Variants in NFIC observed in about 807,000 individuals in gnomAD.
NFIC encodes nuclear factor I C, also known as nuclear factor 1 C-type.
Under a neutral mutation model 54.4 loss-of-function variants are expected in NFIC, and 12 were observed. The ratio of observed to expected loss-of-function variants is 0.22; its 90% CI spans 0.14 to 0.36. NFIC has a LOEUF of 0.36. Among genes scored for constraint, NFIC ranks in the 10% least tolerant of loss-of-function variants. The probability of loss-of-function intolerance (pLI) is 1.00; values close to 1 mark genes in which losing one functional copy is unlikely to be tolerated. For missense variants in NFIC, 575 were observed against 718.2 expected (o/e 0.80, Z 2.28); for synonymous variants, 322 against 319.2 (o/e 1.01, Z -0.09).
At position 3,375,022 on chromosome 19, in the gene NFIC, T is replaced by G. The variant is rs1364829727; in HGVS notation, c.31-6690T>G. On this transcript the variant is annotated intron_variant, in intron 1 of 10. Transcript: ENST00000443272. The surrounding 1 kb of genome is among the most constrained non-coding windows in gnomAD (Gnocchi z 4.6). ...AAGGGCACAGAGAAGGGGAGGAACATAGAGAAGGGAGGGACAGTTAGGGAG... is the reference window on the plus strand; with the variant it reads ...AAGGGCACAGAGAAGGGGAGGAACAGAGAGAAGGGAGGGACAGTTAGGGAG... Among the ~76,000 whole-genome samples the G allele has an allele frequency of 6.7e-6, 1 of 149,604 alleles. No homozygotes were observed. The highest frequency in any genetic ancestry group is 1.5e-5 in the Non-Finnish European group (1 of 67,610).
upstream of NFIC, among the ~76,000 whole-genome samples, chr19:3,363,780 C>T (rs536109356): frequency 1.3e-5 from 2 of 152,200 alleles, no homozygotes; most frequent in Non-Finnish European, 2.9e-5. Context: ...GTGGTTGTCA[C>T]GACTGGGGGG....
rs2081081482 is a variant in NFIC at position 3,375,032 on chromosome 19, AG to A, written c.31-6677del. ...AGAAGGGGAGGAACATAGAGAAGGG[AG>A]GGACAGTTAGGGAGGAGGAAGGGAA... On this transcript the variant is annotated intron_variant, in intron 1 of 10. Transcript: ENST00000443272. The surrounding 1 kb of genome is among the most constrained non-coding windows in gnomAD (Gnocchi z 4.6). 6.7e-6 allele frequency among the ~76,000 whole-genome samples: 1 copy of A among 149,524 alleles called. No individual in the cohort carries two copies.
At chr19:3,423,002 G>A (rs1391394291) in intron 2 of NFIC, among the ~76,000 whole-genome samples, 1 of 127,580 alleles carries the variant, frequency 7.8e-6, no homozygotes. Context: ...TTCGAGACCA[G>A]CCTGACCAAC....
intron 6 of NFIC, among the ~76,000 whole-genome samples, chr19:3,440,740 C>T (rs1055124906): frequency 2.0e-5 from 3 of 151,948 alleles, no homozygotes; most frequent in Admixed American, 1.3e-4. Flanking sequence ...AGGCTGCTCT[C>T]GAACTCCTGA....
chr19:3,423,127 G>A (rs1045270598), intron 2 of NFIC, among the ~76,000 whole-genome samples: 28 of 152,270 alleles, frequency 1.8e-4, no homozygotes, highest in African/African-American at 6.3e-4. Flanking sequence ...GAACCCGAGA[G>A]GTGGAGGTTA....
At chr19:3,407,046 C>T (rs888021163) in intron 2 of NFIC, among the ~76,000 whole-genome samples, 11 of 151,506 alleles carry the variant, frequency 7.3e-5, no homozygotes, top group Admixed American at 6.6e-4. Flanking sequence ...CAGAGGCGGG[C>T]TGTGCAGGGC....
intron 3 of NFIC, 104 bp downstream of exon 3, chr19:3,425,281 C>T: frequency 1.5e-6 from 2 of 1,333,774 alleles, no homozygotes; most frequent in Non-Finnish European, 2.0e-6. Flanking sequence ...TACAGATGAG[C>T]AGACTGAGGC....
intron 2 of NFIC, among the ~76,000 whole-genome samples, chr19:3,387,504 A>AACCTCTTTTCAAAAAC (rs2081315697): frequency 6.6e-6 from 1 of 152,098 alleles, no homozygotes; most frequent in African/African-American, 2.4e-5. Context: ...TCAAAAAATA[A>AACCTCTTTTCAAAAAC]AAATTAAAAT....
intron 10 of NFIC, among the ~76,000 whole-genome samples, chr19:3,457,145 A>G (rs2082571979): frequency 6.6e-6 from 1 of 152,126 alleles, no homozygotes; most frequent in African/African-American, 2.4e-5. Flanking sequence ...CCCAGGCTTC[A>G]GCCCACATCT....
intron 4 of NFIC, 48 bp from the exon 5 acceptor site, chr19:3,434,229 G>A: frequency 6.3e-7 from 1 of 1,579,536 alleles, no homozygotes; most frequent in Non-Finnish European, 8.6e-7. Context: ...GCAAACCGCA[G>A]CACTGGGCAC....
chr19:3,367,560 C>G (rs978443895), intron 1 of NFIC, among the ~76,000 whole-genome samples: 1 of 152,170 alleles, frequency 6.6e-6, no homozygotes, highest in Non-Finnish European at 1.5e-5. Context: ...GTGCAATGGC[C>G]GAGGGGGTGT....
At chr19:3,400,104 A>G (rs549344004) in intron 2 of NFIC, among the ~76,000 whole-genome samples, 6 of 152,204 alleles carry the variant, frequency 3.9e-5, no homozygotes, top group Non-Finnish European at 8.8e-5. Flanking sequence ...TTTGCAGCCA[A>G]TAAATATTTA....
At chr19:3,362,059 C>A (rs118103780), upstream of NFIC, among the ~76,000 whole-genome samples, 3,943 of 152,298 alleles carry the variant, frequency 0.026, 84 homozygotes, top group Middle Eastern at 0.078. Flanking sequence ...ACCCTCCTGC[C>A]CTTCCCTGTC....
intron 1 of NFIC, among the ~76,000 whole-genome samples, chr19:3,377,476 CGAAA>C (rs2081129016): frequency 6.6e-6 from 1 of 151,964 alleles, no homozygotes; most frequent in South Asian, 2.1e-4. Context: ...CACCCCTGTC[CGAAA>C]TGCCCAGCCC....
At position 3,452,750 on chromosome 19, in the gene NFIC, C is replaced by G; in HGVS notation, c.1269+84C>G. On this transcript the variant is annotated intron_variant, in intron 8 of 10. Coordinates refer to ENST00000443272, the MANE Select transcript of NFIC (RefSeq NM_001245002.2). This position sits in a 1 kb window ranked among gnomAD's most constrained non-coding sequence, Gnocchi z 5.3. ...GCCACGTGCTCACACGAAGGCACAA[C>G]CTCTGCTTAAAAGGGTCTTGAGGAC... The G allele has an allele frequency of 6.8e-7, 1 of 1,473,302 alleles. No homozygotes were observed. Among genetic ancestry groups the G allele is most frequent in the South Asian group, 1.3e-5 (1 of 76,126 alleles). The allele number at this position is 1,473,302 out of a possible 1,614,324, so 91.3% of individuals were successfully genotyped here.
At chr19:3,395,721 C>A (rs978806433) in intron 2 of NFIC, among the ~76,000 whole-genome samples, 1 of 151,894 alleles carries the variant, frequency 6.6e-6, no homozygotes, top group Non-Finnish European at 1.5e-5. Context: ...TGCTTTGTCA[C>A]CCAGGCTGGA....
In NFIC at chr19:3,462,903, A is replaced by C. The variant is rs2082662260; in HGVS notation, c.*134A>C. ...ACCCCTGCCGACTCCCAGCCCGGCC[A>C]AAAAGACAAAACACATAGACGCACA... On this transcript the variant is annotated 3_prime_UTR_variant, in exon 11 of 11. Transcript: ENST00000443272. 6.4e-7 allele frequency: 1 copy of C among 1,552,488 alleles called. No individual in the cohort carries two copies. Among genetic ancestry groups the C allele is most frequent in the Admixed American group, 2.0e-5 (1 of 49,840 alleles).
At position 3,380,628 on chromosome 19, in the gene NFIC, C is replaced by CTTTTTTTTT. The variant is rs1159916071; in HGVS notation, c.31-1069_31-1061dup. On this transcript the variant is annotated intron_variant, in intron 1 of 10. Coordinates refer to ENST00000443272, the MANE Select transcript of NFIC (RefSeq NM_001245002.2). ...ACAGGTGTGAGCCACTGCGCCCAGG[C>CTTTTTTTTT]TTTTTTTTTTTTTTTTTTTTTTTGT... is the stretch of plus-strand genomic sequence containing the variant. 3.1e-5 allele frequency among the ~76,000 whole-genome samples: 3 copies of CTTTTTTTTT among 96,118 alleles called. 1 individual carries two copies. Among genetic ancestry groups the CTTTTTTTTT allele is most frequent in the Non-Finnish European group, 6.0e-5 (3 of 50,096 alleles). The allele number at this position is 96,118 out of a possible 152,430, so 63.1% of individuals were successfully genotyped here.
Position 3,464,242 on chromosome 19 carries a change from A to G in NFIC, c.*1473A>G. ...GGCCCCCAGAGGAGAGAGGAGGCCG[A>G]CGCCAGCGGTCCCCGCTCGGAACGG... On this transcript the variant is annotated 3_prime_UTR_variant, in exon 11 of 11. Transcript: ENST00000443272. 1.0e-6 allele frequency: 1 copy of G among 985,272 alleles called. No homozygotes were observed. The highest frequency in any genetic ancestry group is 1.2e-6 in the Non-Finnish European group (1 of 829,904). The allele number at this position is 985,272 out of a possible 1,614,324, so 61.0% of individuals were successfully genotyped here.
Sources: allele counts gnomAD v4.1 joint callset (sites outside exome capture counted in the v4.1 genomes callset), GRCh38; gene constraint gnomAD v4.1.1; non-coding constraint Gnocchi (gnomAD v3.1); transcripts MANE v1.5; gene names NCBI Gene and HGNC (gene_info 2026-07-23, HGNC 2026-07-21).